The following GPC6 variants were observed in gnomAD, a reference collection of about 807,000 sequenced individuals.
The protein encoded by GPC6 is glypican-6.
GPC6 carries 14 observed loss-of-function variants against 55.2 expected under a neutral mutation model. The ratio of observed to expected loss-of-function variants is 0.25; its 90% CI spans 0.17 to 0.40. GPC6 has a LOEUF of 0.40. GPC6 is among the 10% of genes least tolerant of loss of function. GPC6 has a pLI of 1.00. For missense variants in GPC6, 641 were observed against 708.5 expected (o/e 0.90, Z 1.08); for synonymous variants, 278 against 259.6 (o/e 1.07, Z -0.68).
chr13:94,380,230 A>T (rs1880099946), intron 6 of GPC6, among the ~76,000 whole-genome samples: 1 of 152,216 alleles, frequency 6.6e-6, no homozygotes, highest in African/African-American at 2.4e-5. Context: ...TAAACCTGAC[A>T]GTATTTCAGT....
At chr13:94,397,110 A>G (rs563541308) in intron 7 of GPC6, among the ~76,000 whole-genome samples, 1 of 152,286 alleles carries the variant, frequency 6.6e-6, no homozygotes, top group African/African-American at 2.4e-5. Flanking sequence ...GATGAAAGCA[A>G]TATTTTTTGA....
At chr13:93,598,887 T>C (rs1362281323) in intron 2 of GPC6, among the ~76,000 whole-genome samples, 1 of 152,228 alleles carries the variant, frequency 6.6e-6, no homozygotes, top group Non-Finnish European at 1.5e-5. Flanking sequence ...TTGTTTTTGA[T>C]ATGGTTCCCA....
intron 1 of GPC6, among the ~76,000 whole-genome samples, chr13:93,285,185 C>T (rs917287388): frequency 1.3e-5 from 2 of 152,088 alleles, no homozygotes; most frequent in African/African-American, 4.8e-5. Flanking sequence ...TGCAATAATG[C>T]GTGCTGTTGT....
intron 3 of GPC6, among the ~76,000 whole-genome samples, chr13:93,874,614 G>A (rs10492637): frequency 0.019 from 2,809 of 149,310 alleles, 41 homozygotes; most frequent in South Asian, 0.03. Flanking sequence ...ACCTCATGGA[G>A]CCCTACCGTA....
intron 4 of GPC6, among the ~76,000 whole-genome samples, chr13:94,255,323 G>A (rs920233670): frequency 3.9e-5 from 6 of 152,112 alleles, no homozygotes; most frequent in African/African-American, 1.4e-4. Flanking sequence ...ACAACTTTTG[G>A]TTCATTAAAA....
chr13:94,375,168 A>C (rs1336495459), intron 6 of GPC6, among the ~76,000 whole-genome samples: 1 of 151,516 alleles, frequency 6.6e-6, no homozygotes, highest in Non-Finnish European at 1.5e-5. Context: ...AAGCAAGAGC[A>C]AACACATTCA....
Position 93,503,114 on chromosome 13 carries a change from A to G in GPC6, c.161-42149A>G, listed in dbSNP as rs141063422. 2.7e-3 allele frequency among the ~76,000 whole-genome samples: 413 copies of G among 152,278 alleles called. 5 individuals carry two copies. Among genetic ancestry groups the G allele is most frequent in the Non-Finnish European group, 4.9e-3 (333 of 67,992 alleles). The stretch of plus-strand genomic sequence containing the variant: ...TTCCATACATCCTCACCATGGGCAT[A>G]CCATCCTGTATCATTTAGGACTACT... On this transcript the variant is annotated intron_variant, in intron 1 of 8. Coordinates refer to ENST00000377047, the MANE Select transcript of GPC6 (RefSeq NM_005708.5).
intron 4 of GPC6, among the ~76,000 whole-genome samples, chr13:94,123,245 C>G (rs533614601): frequency 1.3e-5 from 2 of 151,944 alleles, no homozygotes; most frequent in African/African-American, 4.8e-5. Flanking sequence ...AATATATGAG[C>G]TAGAAAATCC....
At chr13:93,609,933 T>G (rs896165334) in intron 2 of GPC6, among the ~76,000 whole-genome samples, 1 of 152,168 alleles carries the variant, frequency 6.6e-6, no homozygotes, top group African/African-American at 2.4e-5. Context: ...TCCTTTTTGA[T>G]TCTGATAGTG....
intron 3 of GPC6, among the ~76,000 whole-genome samples, chr13:93,837,610 A>G (rs1449241787): frequency 6.6e-6 from 1 of 152,256 alleles, no homozygotes; most frequent in Non-Finnish European, 1.5e-5. Flanking sequence ...AGCATTTACA[A>G]GTAATAATTA....
upstream of GPC6, among the ~76,000 whole-genome samples, chr13:93,225,516 T>TG (rs1566530137): frequency 1.5e-3 from 224 of 151,162 alleles, no homozygotes; most frequent in African/African-American, 5.1e-3. Flanking sequence ...TTGTTTTTTT[T>TG]TTTTTTGGTT....
chr13:94,297,330 G>A (rs1392415922), intron 5 of GPC6, among the ~76,000 whole-genome samples: 2 of 152,166 alleles, frequency 1.3e-5, no homozygotes, highest in Non-Finnish European at 2.9e-5. Context: ...CCCGTCTGAT[G>A]TAAATTACAT....
chr13:94,203,402 C>T lies in GPC6; in HGVS notation c.878-82947C>T, dbSNP rs186760307. Reference sequence around the variant, plus strand: ...CTGAACGAATACATTTATATTGGTTCTGGAAAGCAATGAGAAGCTTTACAC... The same window carrying T: ...CTGAACGAATACATTTATATTGGTTTTGGAAAGCAATGAGAAGCTTTACAC... On this transcript the variant is annotated intron_variant, in intron 4 of 8. Transcript: ENST00000377047. 4.7e-3 allele frequency among the ~76,000 whole-genome samples: 717 copies of T among 152,026 alleles called. 5 individuals carry two copies. The highest frequency in any genetic ancestry group is 7.6e-3 in the Non-Finnish European group (514 of 67,946).
intron 3 of GPC6, among the ~76,000 whole-genome samples, chr13:93,882,873 T>A (rs1875081683): frequency 6.6e-6 from 1 of 152,134 alleles, no homozygotes; most frequent in African/African-American, 2.4e-5. Flanking sequence ...ACAGACTCAC[T>A]GAGAGTGGAA....
At chr13:93,344,823 CTAAT>C (rs1197495090) in intron 1 of GPC6, among the ~76,000 whole-genome samples, 1 of 152,112 alleles carries the variant, frequency 6.6e-6, no homozygotes, top group Non-Finnish European at 1.5e-5. Flanking sequence ...TTTCTCAGTG[CTAAT>C]GGTAAACTTA....
intron 4 of GPC6, among the ~76,000 whole-genome samples, chr13:94,094,866 A>G (rs1372579838): frequency 1.3e-5 from 2 of 152,110 alleles, no homozygotes; most frequent in Non-Finnish European, 2.9e-5. Flanking sequence ...AATTTAGCAA[A>G]TAAAATACAG....
At chr13:93,228,531 C>T (rs535121908) in intron 1 of GPC6, among the ~76,000 whole-genome samples, 2 of 152,286 alleles carry the variant, frequency 1.3e-5, no homozygotes, top group East Asian at 1.9e-4. Context: ...ACTTGGTCTC[C>T]GACAACTTGC....
At chr13:93,731,021 GC>G (rs1414754884) in intron 2 of GPC6, among the ~76,000 whole-genome samples, 3 of 152,298 alleles carry the variant, frequency 2.0e-5, no homozygotes, top group Admixed American at 6.5e-5. Context: ...AGCTAGAGAA[GC>G]AAACTGCATT....
intron 3 of GPC6, among the ~76,000 whole-genome samples, chr13:93,872,464 G>A (rs753286266): frequency 6.6e-6 from 1 of 151,882 alleles, no homozygotes; most frequent in African/African-American, 2.4e-5. Flanking sequence ...TTACAGTTGT[G>A]GAAGTCAAAA....
Sources: gnomAD v4.1 joint callset for allele counts (sites outside exome capture counted in the v4.1 genomes callset) on GRCh38, gnomAD v4.1.1 for gene constraint, MANE v1.5 for transcripts, NCBI Gene and HGNC (gene_info 2026-07-23, HGNC 2026-07-21) for gene names.